Variants in TMEM232 observed in about 807,000 individuals in gnomAD.
The protein encoded by TMEM232 is transmembrane protein 232.
TMEM232 carries 80 observed loss-of-function variants against 78.8 expected under a neutral mutation model. That is an observed-to-expected ratio of 1.01 (90% CI 0.85 to 1.22). TMEM232 has a LOEUF of 1.22. Among genes scored for constraint, TMEM232 ranks in the 50% most tolerant of loss-of-function variants. The probability of loss-of-function intolerance (pLI) is 0.00; values close to 1 mark genes in which losing one functional copy is unlikely to be tolerated. For synonymous variants in TMEM232, 297 were observed against 254.3 expected (o/e 1.17, Z -1.60); for missense variants, 881 against 742.2 (o/e 1.19, Z -2.17).
In TMEM232 at chr5:110,528,710, G is replaced by A. The variant is rs934191553; in HGVS notation, c.1581C>T (p.Phe527=). 1.0e-5 allele frequency: 16 copies of A among 1,534,820 alleles called. No homozygotes were observed. Among genetic ancestry groups the A allele is most frequent in the Admixed American group, 3.9e-5 (2 of 50,876 alleles). The part of the protein sequence containing the change: ...WRIANTLSKL[F]FPPIEAHFLP... ...GAAAATGGGCCTCAATGGGGGGAAA[G>A]AATAGTTTGGAAAGAGTGTTGGCAA... Residue 527 remains phenylalanine (F), a synonymous_variant, in exon 12 of 14, where the codon TTC becomes TTT. Transcript: ENST00000455884.
intron 11 of TMEM232, among the ~76,000 whole-genome samples, chr5:110,562,275 A>G (rs186576506): frequency 1.3e-5 from 2 of 152,106 alleles, no homozygotes; most frequent in Non-Finnish European, 2.9e-5. Flanking sequence ...CAAACCTTCC[A>G]GATTTAATGC....
At chr5:110,570,369 A>C (rs1776807145) in intron 10 of TMEM232, among the ~76,000 whole-genome samples, 1 of 151,992 alleles carries the variant, frequency 6.6e-6, no homozygotes. Context: ...TTCTTTGTGA[A>C]TAGTCTTGAC....
At chr5:110,424,975 A>C in intron 12 of TMEM232, 59 bp from the exon 13 acceptor site, 1 of 1,186,454 alleles carries the variant, frequency 8.4e-7, no homozygotes, top group South Asian at 1.5e-5. Context: ...ATTCCCCAGA[A>C]ATAGAATTGT....
chr5:110,681,513 G>T lies in TMEM232; in HGVS notation c.-12-14149C>A, dbSNP rs546368016. ...AGTAAGATAAAATATTCTCCATATT[G>T]TAGGGTGTCAGTGAATGATAGCCAT... is the stretch of plus-strand genomic sequence containing the variant. On this transcript the variant is annotated intron_variant, in intron 1 of 13. Transcript: ENST00000455884. 8.5e-5 allele frequency among the ~76,000 whole-genome samples: 13 copies of T among 152,308 alleles called. No individual in the cohort carries two copies. In the East Asian group the frequency reaches 1.5e-3, roughly 18 times the overall value.
At chr5:110,441,647 A>G (rs1759056580) in intron 12 of TMEM232, among the ~76,000 whole-genome samples, 1 of 152,186 alleles carries the variant, frequency 6.6e-6, no homozygotes, top group African/African-American at 2.4e-5. Flanking sequence ...CTGTCTTACT[A>G]GCTAACTCTT....
chr5:110,602,544 G>T (rs941502161), intron 10 of TMEM232, among the ~76,000 whole-genome samples: 1 of 152,070 alleles, frequency 6.6e-6, no homozygotes, highest in African/African-American at 2.4e-5. Context: ...ATGAAAAAAA[G>T]CTCATCATCA....
chr5:110,654,334 T>C (rs996187828), intron 2 of TMEM232, among the ~76,000 whole-genome samples: 2 of 152,210 alleles, frequency 1.3e-5, no homozygotes, highest in South Asian at 2.1e-4. Context: ...ATATAAGGTG[T>C]AAGGAAGGGA....
intron 2 of TMEM232, among the ~76,000 whole-genome samples, chr5:110,658,370 G>A (rs189089810): frequency 2.1e-4 from 32 of 151,964 alleles, no homozygotes; most frequent in African/African-American, 6.3e-4. Flanking sequence ...TAGATTTTAC[G>A]TTTCTGTTTC....
In TMEM232 at chr5:110,407,798, T is replaced by G. The variant is rs558424022; in HGVS notation, n.309-9944A>C. 5.9e-5 allele frequency among the ~76,000 whole-genome samples: 9 copies of G among 152,222 alleles called. No homozygotes were observed. In the South Asian group the frequency reaches 1.9e-3, roughly 32 times the overall value. ...AGCCACAAAACAAGCCTGTACAAAT[T>G]TTTTTAAAAATATATATCAAGTATT... On this transcript the variant is annotated intron_variant and non_coding_transcript_variant, in intron 2 of 8. Transcript: ENST00000507188.
intron 10 of TMEM232, among the ~76,000 whole-genome samples, chr5:110,570,315 T>C (rs1267576826): frequency 1.3e-5 from 2 of 151,972 alleles, no homozygotes; most frequent in African/African-American, 4.8e-5. Context: ...TGGACTATAA[T>C]AAAAAAGCCC....
chr5:110,580,151 C>A (rs1778016736), intron 10 of TMEM232, among the ~76,000 whole-genome samples: 1 of 151,582 alleles, frequency 6.6e-6, no homozygotes, highest in African/African-American at 2.4e-5. Context: ...AAGATAAGAG[C>A]ACCTAAATAC....
intron 10 of TMEM232, among the ~76,000 whole-genome samples, chr5:110,569,833 C>T (rs1427009379): frequency 6.6e-6 from 1 of 151,862 alleles, no homozygotes; most frequent in Non-Finnish European, 1.5e-5. Flanking sequence ...TAAAAGGGAA[C>T]ATATAAACTT....
chr5:110,538,280 G>A (rs369198317), intron 11 of TMEM232, among the ~76,000 whole-genome samples: 4 of 152,024 alleles, frequency 2.6e-5, no homozygotes, highest in Non-Finnish European at 4.4e-5. Context: ...AATCCACCAC[G>A]GACATTAGAC....
intron 12 of TMEM232, among the ~76,000 whole-genome samples, chr5:110,517,059 C>T (rs893636119): frequency 1.3e-5 from 2 of 152,110 alleles, no homozygotes; most frequent in Admixed American, 6.5e-5. Context: ...GGCTTCTTGC[C>T]GTCTTTCACA....
chr5:110,518,123 A>ACTCT (rs71626631), intron 12 of TMEM232, among the ~76,000 whole-genome samples: 14 of 143,900 alleles, frequency 9.7e-5, no homozygotes, highest in East Asian at 8.1e-4. Flanking sequence ...CTCTATGTCT[A>ACTCT]CTCTCTCTCT....
chr5:110,551,146 C>T (rs1359403591), intron 11 of TMEM232, among the ~76,000 whole-genome samples: 3 of 152,110 alleles, frequency 2.0e-5, no homozygotes, highest in Admixed American at 6.6e-5. Flanking sequence ...AAGCCTTGAA[C>T]ACTTACTCAG....
intron 1 of TMEM232, among the ~76,000 whole-genome samples, chr5:110,737,418 CA>C (rs1799295080): frequency 6.6e-6 from 1 of 152,020 alleles, no homozygotes; most frequent in African/African-American, 2.4e-5. Flanking sequence ...ATTTTGGAGT[CA>C]AAAAATATGG....
intron 2 of TMEM232, among the ~76,000 whole-genome samples, chr5:110,650,025 T>C (rs1193562497): frequency 6.6e-6 from 1 of 152,150 alleles, no homozygotes; most frequent in East Asian, 1.9e-4. Flanking sequence ...ATGCATGTAC[T>C]GTACTTAGAG....
intron 2 of TMEM232, among the ~76,000 whole-genome samples, chr5:110,402,463 A>C (rs982134352): frequency 6.6e-6 from 1 of 152,102 alleles, no homozygotes; most frequent in Admixed American, 6.6e-5. Flanking sequence ...CTACCATCTG[A>C]CTAACTTGGA....
Sources: allele counts gnomAD v4.1 joint callset (sites outside exome capture counted in the v4.1 genomes callset), GRCh38; gene constraint gnomAD v4.1.1; transcripts MANE v1.5; gene names NCBI Gene and HGNC (gene_info 2026-07-23, HGNC 2026-07-21).